CXADR: variants seen among roughly 807,000 people sequenced by gnomAD.
The protein encoded by CXADR is coxsackievirus and adenovirus receptor.
A neutral mutation model predicts 40.3 loss-of-function variants in CXADR; 20 were observed. The observed-to-expected ratio is 0.50, with a 90% confidence interval of 0.35 to 0.72. The LOEUF (loss-of-function observed/expected upper bound fraction) is 0.72. CXADR is among the 30% of genes least tolerant of loss of function. The pLI is 0.01. For synonymous variants in CXADR, 150 were observed against 161.3 expected (o/e 0.93, Z 0.53); for missense variants, 332 against 449.1 (o/e 0.74, Z 2.36).
intron 3 of CXADR, 122 bp from the exon 4 acceptor site, chr21:17,558,854 T>A: frequency 1.0e-6 from 1 of 980,404 alleles, no homozygotes; most frequent in South Asian, 1.9e-5. Flanking sequence ...TGGTCTTTCA[T>A]TCTTTTGTGA....
chr21:17,593,493 A>G (rs2061462230), exon 8 of CXADR: 1 of 211,518 alleles, frequency 4.7e-6, no homozygotes, highest in South Asian at 1.9e-4. Flanking sequence ...GCATATTCTG[A>G]TATGTGGTCT....
At chr21:17,555,438 G>A (rs2061021947) in intron 3 of CXADR, among the ~76,000 whole-genome samples, 1 of 152,148 alleles carries the variant, frequency 6.6e-6, no homozygotes, top group Non-Finnish European at 1.5e-5. Flanking sequence ...TTCTGAGAGT[G>A]GATCCATCAT....
chr21:17,595,388 C>T (rs1398531855), downstream of CXADR, among the ~76,000 whole-genome samples: 1 of 151,902 alleles, frequency 6.6e-6, no homozygotes, highest in African/African-American at 2.4e-5. Context: ...TGGAAAGTCC[C>T]TCTTTTTTTA....
the CXADR span, among the ~76,000 whole-genome samples, chr21:17,610,985 A>G: frequency 6.6e-6 from 1 of 152,152 alleles, no homozygotes; most frequent in Non-Finnish European, 1.5e-5. Context: ...AGGGGAAGGC[A>G]CACAAATCTT....
the CXADR span, among the ~76,000 whole-genome samples, chr21:17,624,777 C>A: frequency 1.3e-5 from 2 of 152,098 alleles, no homozygotes; most frequent in Non-Finnish European, 2.9e-5. Flanking sequence ...CTCTTAGCCA[C>A]GCATGCTTCC....
At chr21:17,588,461 G>A (rs1052436365) in intron 7 of CXADR, among the ~76,000 whole-genome samples, 2 of 152,106 alleles carry the variant, frequency 1.3e-5, no homozygotes, top group Admixed American at 1.3e-4. Context: ...TCCCTTGTAG[G>A]TTGGATTCGT....
intron 6 of CXADR, among the ~76,000 whole-genome samples, chr21:17,564,258 G>A (rs1049387648): frequency 8.6e-5 from 13 of 150,874 alleles, no homozygotes; most frequent in African/African-American, 1.5e-4. Context: ...TTTGGGAGGC[G>A]GAGATGGGAG....
At chr21:17,605,137 C>T in the CXADR span, 2 of 949,162 alleles carry the variant, frequency 2.1e-6, no homozygotes, top group Non-Finnish European at 3.0e-6. Flanking sequence ...GCATATCTAT[C>T]CTAAACAGAT....
chr21:17,600,830 T>A, the CXADR span, among the ~76,000 whole-genome samples: 1 of 152,168 alleles, frequency 6.6e-6, no homozygotes, highest in South Asian at 2.1e-4. Context: ...ATATAGTACA[T>A]AACTTCGCTT....
At chr21:17,540,315 C>G (rs2060811459) in intron 1 of CXADR, among the ~76,000 whole-genome samples, 1 of 151,952 alleles carries the variant, frequency 6.6e-6, no homozygotes, top group Non-Finnish European at 1.5e-5. Context: ...CCGCCGTCCC[C>G]CAAAAGTATT....
the CXADR span, among the ~76,000 whole-genome samples, chr21:17,607,508 TGAAAAG>T: frequency 6.6e-6 from 1 of 152,246 alleles, no homozygotes; most frequent in Admixed American, 6.5e-5. Context: ...GGATTAAAAA[TGAAAAG>T]GAAAATAAAC....
chr21:17,587,678 C>T (rs1770984391), intron 7 of CXADR, among the ~76,000 whole-genome samples: 1 of 152,120 alleles, frequency 6.6e-6, no homozygotes, highest in Non-Finnish European at 1.5e-5. Context: ...TTCTCCCATT[C>T]TGTAGGTTGC....
At chr21:17,578,104 A>G (rs946424185) in intron 7 of CXADR, among the ~76,000 whole-genome samples, 2 of 152,146 alleles carry the variant, frequency 1.3e-5, no homozygotes, top group African/African-American at 2.4e-5. Context: ...TAGCCCTTCA[A>G]TATCTTAATT....
chr21:17,594,474 A>G, downstream of CXADR: 1 of 968,192 alleles, frequency 1.0e-6, no homozygotes, highest in Non-Finnish European at 1.5e-6. Context: ...GTCTAAATAC[A>G]TTAAAAACCT....
chr21:17,519,650 T>C (rs2060504398), intron 1 of CXADR, among the ~76,000 whole-genome samples: 1 of 152,202 alleles, frequency 6.6e-6, no homozygotes, highest in Non-Finnish European at 1.5e-5. Context: ...AATGTCAGCC[T>C]TCCTTATAGT....
chr21:17,518,386 A>G (rs1476029577), intron 1 of CXADR: 1 of 471,906 alleles, frequency 2.1e-6, no homozygotes, highest in South Asian at 3.2e-5. Flanking sequence ...TGACAGAAAA[A>G]TGCTGAACAG....
chr21:17,608,924 C>T, the CXADR span: 1 of 1,567,250 alleles, frequency 6.4e-7, no homozygotes, highest in Non-Finnish European at 8.6e-7. Flanking sequence ...GCCTTGAACC[C>T]ACCTCAGGGG....
chr21:17,613,260 C>T, the CXADR span: 1 of 152,266 alleles, frequency 6.6e-6, no homozygotes, highest in Non-Finnish European at 1.5e-5. Context: ...TCGGCTGTCT[C>T]GGCCTTTTTG....
chr21:17,522,668 T>C (rs2123124431), intron 1 of CXADR, among the ~76,000 whole-genome samples: 1 of 152,266 alleles, frequency 6.6e-6, no homozygotes, highest in East Asian at 1.9e-4. Context: ...CACAAATAGC[T>C]CTATTGAACA....
Sources: allele counts gnomAD v4.1 joint callset (sites outside exome capture counted in the v4.1 genomes callset), GRCh38; gene constraint gnomAD v4.1.1; transcripts MANE v1.5; gene names NCBI Gene and HGNC (gene_info 2026-07-23, HGNC 2026-07-21).